Variants in CFAP54 observed in about 807,000 individuals in gnomAD.
The protein encoded by CFAP54 is cilia- and flagella-associated protein 54.
In CFAP54, 290 loss-of-function variants were observed where a neutral mutation model predicts 370.4. The observed-to-expected ratio is 0.78, with a 90% CI of 0.71 to 0.86. The LOEUF (loss-of-function observed/expected upper bound fraction) is 0.86. CFAP54 is among the 40% of genes least tolerant of loss of function. The probability of loss-of-function intolerance (pLI) is 0.00; values close to 1 mark genes in which losing one functional copy is unlikely to be tolerated. For missense variants in CFAP54, 3,399 were observed against 3,528.7 expected, an observed-to-expected ratio of 0.96 and a Z score of 0.93; for synonymous variants, 1,206 against 1,236.5, an observed-to-expected ratio of 0.98 and a Z score of 0.52.
chr12:96,676,249 A>C (rs1957207518), intron 39 of CFAP54, among the ~76,000 whole-genome samples: 1 of 152,136 alleles, frequency 6.6e-6, no homozygotes, highest in East Asian at 1.9e-4. Context: ...TCTGGAAATA[A>C]ATAGGACAGG....
chr12:96,738,283 A>G (rs1958004732), intron 50 of CFAP54, among the ~76,000 whole-genome samples: 1 of 152,098 alleles, frequency 6.6e-6, no homozygotes, highest in Non-Finnish European at 1.5e-5. Context: ...AGGAGATGGA[A>G]GTGAAGGGGT....
At chr12:96,505,918 C>T (rs1955094854) in intron 3 of CFAP54, among the ~76,000 whole-genome samples, 1 of 152,188 alleles carries the variant, frequency 6.6e-6, no homozygotes, top group East Asian at 1.9e-4. Flanking sequence ...CCTAGAGTCT[C>T]TGTTGCCTAG....
intron 33 of CFAP54, chr12:96,645,487 A>G (rs60790037): frequency 0.032 from 5,349 of 167,372 alleles, 217 homozygotes; most frequent in African/African-American, 0.098. Context: ...ATGCTTAGGG[A>G]TAGGAAGAAT....
intron 5 of CFAP54, among the ~76,000 whole-genome samples, chr12:96,516,724 TTC>T (rs1001950080): frequency 2.6e-5 from 4 of 152,246 alleles, no homozygotes; most frequent in Admixed American, 2.0e-4. Context: ...AACGATTGAT[TTC>T]TGTTTCATTT....
intron 1 of CFAP54, among the ~76,000 whole-genome samples, chr12:96,490,339 T>A (rs1409806784): frequency 6.6e-6 from 1 of 152,146 alleles, no homozygotes; most frequent in Non-Finnish European, 1.5e-5. Context: ...GTCACTGTAA[T>A]CCTAATAGCA....
intron 66 of CFAP54, among the ~76,000 whole-genome samples, chr12:96,834,292 C>T (rs567054479): frequency 7.2e-5 from 11 of 152,318 alleles, no homozygotes; most frequent in African/African-American, 2.4e-4. Flanking sequence ...TTTGGGGTAT[C>T]GGTTTTCTGG....
chr12:96,847,648 A>G (rs1205205152), intron 66 of CFAP54, among the ~76,000 whole-genome samples: 1 of 152,204 alleles, frequency 6.6e-6, no homozygotes, highest in African/African-American at 2.4e-5. Context: ...GTTTCCTGCA[A>G]TATATCCTGT....
In CFAP54 at chr12:96,817,896, G is replaced by C. The variant is rs1370227944; in HGVS notation, c.9079G>C (p.Val3027Leu). 4 of 1,480,676 alleles carry C rather than the reference G, an allele frequency of 2.7e-6. No individual in the cohort carries two copies. In the East Asian group the frequency reaches 7.5e-5, roughly 28 times the overall value. 91.7% of individuals were successfully genotyped at this position (1,480,676 alleles called of 1,614,324 possible). A position where few individuals can be genotyped will look rare whatever the true frequency, so the allele number is the denominator to read the frequency against. The change falls in exon 65 of 68, where the codon GTT (valine) becomes CTT (leucine). Residue 3027 changes from valine (V) to leucine (L), a missense_variant. Physicochemically the swap from Val to Leu is conservative, Grantham distance 32. Around this residue, in one of 3 missense-constraint regions of CFAP54, gnomAD observed 2,796 missense variants for 2,869.7 expected, o/e 0.97. Coordinates refer to ENST00000524981, the MANE Select transcript of CFAP54 (RefSeq NM_001306084.2). Reference protein sequence around the residue: ...IYEVEVEEESVDNEMEDMIIQ... With the variant: ...IYEVEVEEESLDNEMEDMIIQ... Reference sequence around the variant, plus strand: ...TGAAGTAGAAGTGGAAGAGGAATCAGTTGATAATGAAATGGAAGTAAGTTG... The same window carrying C: ...TGAAGTAGAAGTGGAAGAGGAATCACTTGATAATGAAATGGAAGTAAGTTG...
intron 27 of CFAP54, among the ~76,000 whole-genome samples, chr12:96,622,213 GC>G (rs952325180): frequency 3.3e-5 from 5 of 151,952 alleles, no homozygotes; most frequent in Non-Finnish European, 2.9e-5. Context: ...TTTAATATCT[GC>G]CTTCCAAGCA....
At chr12:96,704,165 C>T (rs1027002561) in intron 46 of CFAP54, among the ~76,000 whole-genome samples, 9 of 151,956 alleles carry the variant, frequency 5.9e-5, no homozygotes, top group African/African-American at 9.7e-5. Context: ...CAGTGGCTCA[C>T]GCCTATAATC....
At chr12:96,702,091 T>C (rs148005077) in intron 46 of CFAP54, among the ~76,000 whole-genome samples, 243 of 152,250 alleles carry the variant, frequency 1.6e-3, no homozygotes, top group African/African-American at 5.5e-3. Flanking sequence ...TACAGCCAGC[T>C]GCATTTGCTG....
intron 66 of CFAP54, among the ~76,000 whole-genome samples, chr12:96,848,691 C>A (rs758830411): frequency 1.3e-5 from 2 of 152,006 alleles, no homozygotes; most frequent in Non-Finnish European, 2.9e-5. Context: ...AACGAGACTC[C>A]GTCTCAAGAA....
intron 56 of CFAP54, among the ~76,000 whole-genome samples, chr12:96,755,326 C>A (rs997379597): frequency 6.6e-6 from 1 of 152,150 alleles, no homozygotes; most frequent in Non-Finnish European, 1.5e-5. Context: ...TCCATCACTT[C>A]ACATACTTAT....
At chr12:96,557,560 TAAAG>T (rs1475583684) in intron 17 of CFAP54, among the ~76,000 whole-genome samples, 4 of 151,986 alleles carry the variant, frequency 2.6e-5, no homozygotes, top group East Asian at 3.9e-4. Context: ...AGAGAATTGA[TAAAG>T]AAACTGTGAT....
At chr12:96,822,013 C>T (rs1959040996) in intron 65 of CFAP54, among the ~76,000 whole-genome samples, 1 of 152,004 alleles carries the variant, frequency 6.6e-6, no homozygotes, top group Non-Finnish European at 1.5e-5. Flanking sequence ...TATGTATATC[C>T]CCCCAAAACC....
At chr12:96,835,157 A>T (rs1168857529) in intron 66 of CFAP54, among the ~76,000 whole-genome samples, 1 of 152,046 alleles carries the variant, frequency 6.6e-6, no homozygotes, top group African/African-American at 2.4e-5. Flanking sequence ...TCCTCTTTGC[A>T]GCAGGTAGTC....
At chr12:96,590,913 G>A (rs1956117358) in intron 23 of CFAP54, among the ~76,000 whole-genome samples, 1 of 152,158 alleles carries the variant, frequency 6.6e-6, no homozygotes, top group East Asian at 1.9e-4. Flanking sequence ...AGAGCATCAA[G>A]GCTAGAGATA....
chr12:96,639,001 C>G (rs1459008353), intron 32 of CFAP54, among the ~76,000 whole-genome samples: 1 of 152,156 alleles, frequency 6.6e-6, no homozygotes, highest in African/African-American at 2.4e-5. Flanking sequence ...TCTTGCTTCT[C>G]TAGTTGTTTT....
Position 96,576,663 on chromosome 12 carries a change from A to C in CFAP54, c.2698A>C (p.Lys900Gln). The change falls in exon 20 of 68, where the codon AAA becomes CAA. Residue 900 changes from lysine to glutamine, a missense_variant. By Grantham distance (53) the Lys-to-Gln change is moderately conservative. Coordinates refer to ENST00000524981, the MANE Select transcript of CFAP54 (RefSeq NM_001306084.2). ...CTATCAGAAATATTTGGAAAGTTCAAAAAGAAAGAAAAGCAGAGTCCCCCC... is the reference window on the plus strand; with the variant it reads ...CTATCAGAAATATTTGGAAAGTTCACAAAGAAAGAAAAGCAGAGTCCCCCC... ...YSYQKYLESS[K>Q]RKKSRVPPPP... 6.5e-7 allele frequency: 1 copy of C among 1,535,740 alleles called. No individual in the cohort carries two copies. The highest frequency in any genetic ancestry group is 8.7e-7 in the Non-Finnish European group (1 of 1,146,622).
Sources: gnomAD v4.1 joint callset for allele counts (sites outside exome capture counted in the v4.1 genomes callset) on GRCh38, gnomAD v4.1.1 for gene constraint, gnomAD v4.1.1 regional missense constraint, MANE v1.5 for transcripts, NCBI Gene and HGNC (gene_info 2026-07-23, HGNC 2026-07-21) for gene names.